The following ADCY1 variants were observed in gnomAD, a reference collection of about 807,000 sequenced individuals.
ADCY1 encodes the protein adenylate cyclase 1.
ADCY1 carries 28 observed loss-of-function variants against 105.4 expected under a neutral mutation model. The observed-to-expected ratio is 0.27, with a 90% confidence interval of 0.20 to 0.36. The LOEUF (loss-of-function observed/expected upper bound fraction) is 0.36. Ranked by LOEUF, ADCY1 falls within the 10% of genes least tolerant of loss-of-function variation. The pLI is 1.00. For synonymous variants in ADCY1, 655 were observed against 623.8 expected, an observed-to-expected ratio of 1.05 and a Z score of -0.75; for missense variants, 977 against 1,434.2, an observed-to-expected ratio of 0.68 and a Z score of 5.15.
chr7:45,621,038 T>A (rs1220221259), intron 3 of ADCY1, among the ~76,000 whole-genome samples: 1 of 152,186 alleles, frequency 6.6e-6, no homozygotes, highest in Non-Finnish European at 1.5e-5. Flanking sequence ...CTGAATAGAA[T>A]GGAGTCTTTC....
chr7:45,629,101 C>T (rs891153303), intron 4 of ADCY1, among the ~76,000 whole-genome samples: 1 of 152,246 alleles, frequency 6.6e-6, no homozygotes, highest in African/African-American at 2.4e-5. Flanking sequence ...TCTCCTCCCA[C>T]TTCTCATTTT....
intron 3 of ADCY1, among the ~76,000 whole-genome samples, chr7:45,610,760 A>T (rs111882564): frequency 4.2e-4 from 1 of 2,360 alleles, no homozygotes; most frequent in African/African-American, 1.8e-3. Flanking sequence ...ATGGAGGTGT[A>T]GAGGTGATAG....
intron 8 of ADCY1, among the ~76,000 whole-genome samples, chr7:45,667,156 G>T (rs1784277343): frequency 6.6e-6 from 1 of 152,058 alleles, no homozygotes; most frequent in Non-Finnish European, 1.5e-5. Flanking sequence ...GTCAATTTTG[G>T]CTTGTGTTGC....
At chr7:45,635,538 C>G (rs1254537713) in intron 4 of ADCY1, among the ~76,000 whole-genome samples, 2 of 149,828 alleles carry the variant, frequency 1.3e-5, no homozygotes, top group Admixed American at 6.6e-5. Flanking sequence ...TAGCAGTATC[C>G]CACAGTTTCT....
Position 45,703,615 on chromosome 7 carries a change from T to C in ADCY1, c.2587T>C (p.Ser863Pro), listed in dbSNP as rs772879550. 1 of 1,612,848 alleles carries C rather than the reference T, an allele frequency of 6.2e-7. No individual in the cohort carries two copies. Among genetic ancestry groups the C allele is most frequent in the Non-Finnish European group, 8.5e-7 (1 of 1,179,354 alleles). The stretch of plus-strand genomic sequence containing the variant: ...GAACTTCCAGGACCTCTACTACCAG[T>C]CCTACTCCCAGGTGGGCGTCATGTT... ...NPRNMDLYYQSYSQVGVMFAS... is the reference protein window; with the variant it reads ...NPRNMDLYYQPYSQVGVMFAS... The change falls in exon 16 of 20, where the codon TCC becomes CCC. Residue 863 changes from serine to proline, a missense_variant. By Grantham distance (74) the Ser-to-Pro change is moderately conservative. Around this residue, in one of 7 missense-constraint regions of ADCY1, gnomAD observed 152 missense variants for 293.7 expected, o/e 0.52. Transcript: ENST00000297323. The surrounding 1 kb of genome is among the most constrained non-coding windows in gnomAD (Gnocchi z 5.9).
chr7:45,605,694 G>A (rs1363569856), intron 2 of ADCY1, among the ~76,000 whole-genome samples: 1 of 152,016 alleles, frequency 6.6e-6, no homozygotes, highest in Non-Finnish European at 1.5e-5. Flanking sequence ...TCACTGAATT[G>A]CTATCTTGTA....
At chr7:45,658,866 AG>A (rs1209402774) in intron 6 of ADCY1, among the ~76,000 whole-genome samples, 1 of 152,150 alleles carries the variant, frequency 6.6e-6, no homozygotes, top group Non-Finnish European at 1.5e-5. Context: ...GCAAGGGTTG[AG>A]GCTTGCCGTG....
At chr7:45,687,935 A>G (rs1304894648) in intron 14 of ADCY1, among the ~76,000 whole-genome samples, 3 of 152,234 alleles carry the variant, frequency 2.0e-5, no homozygotes, top group African/African-American at 7.2e-5. Context: ...GTTGGGGCAC[A>G]GACACCAGAC....
At chr7:45,644,408 T>C (rs779415209) in intron 4 of ADCY1, among the ~76,000 whole-genome samples, 3 of 152,214 alleles carry the variant, frequency 2.0e-5, no homozygotes, top group Non-Finnish European at 4.4e-5. Flanking sequence ...TCTAGACCCT[T>C]CTCTGTGGCT....
intron 17 of ADCY1, among the ~76,000 whole-genome samples, chr7:45,707,815 C>T (rs1045107042): frequency 6.6e-5 from 10 of 151,998 alleles, no homozygotes. Context: ...CTAAAATTGC[C>T]CTAAAAATAA....
Position 45,676,653 on chromosome 7 carries a change from T to C in ADCY1, c.1606-1216T>C, listed in dbSNP as rs534624889. Among the ~76,000 whole-genome samples, 157 of 152,212 alleles carry C rather than the reference T, an allele frequency of 1.0e-3. 1 individual carries two copies. Among genetic ancestry groups the C allele is most frequent in the Non-Finnish European group, 1.1e-3 (78 of 68,010 alleles). ...GGACATTCTGCATCCTTGTTCAGCA[T>C]CCACTGACAATGCAAGTGGGAGCTC... On this transcript the variant is annotated intron_variant, in intron 8 of 19. Transcript: ENST00000297323.
At chr7:45,649,761 A>G (rs1054897165) in intron 5 of ADCY1, among the ~76,000 whole-genome samples, 5 of 152,222 alleles carry the variant, frequency 3.3e-5, no homozygotes, top group African/African-American at 1.2e-4. Flanking sequence ...TGTGTCGGAC[A>G]CATGAGCAAA....
At chr7:45,622,925 C>T (rs1031626109) in intron 4 of ADCY1, among the ~76,000 whole-genome samples, 182 bp downstream of exon 4, 1 of 152,152 alleles carries the variant, frequency 6.6e-6, no homozygotes, top group Non-Finnish European at 1.5e-5. Context: ...TTCCTTGAAC[C>T]GGAGCCTTGC....
At chr7:45,688,640 A>G (rs183080341) in intron 14 of ADCY1, among the ~76,000 whole-genome samples, 16 of 152,340 alleles carry the variant, frequency 1.1e-4, no homozygotes, top group African/African-American at 3.6e-4. Context: ...GAACATATAC[A>G]TACATCACAC....
Position 45,660,140 on chromosome 7 carries a change from A to G in ADCY1, c.1406A>G (p.His469Arg), listed in dbSNP as rs1055365568. 1.7e-5 allele frequency: 28 copies of G among 1,614,138 alleles called. No individual in the cohort carries two copies. In the Admixed American group the frequency reaches 2.8e-4, roughly 16 times the overall value. Residue 469 changes from histidine (H) to arginine (R), a missense_variant, in exon 7 of 20, where the codon CAT (histidine) becomes CGT (arginine). Around this residue, in one of 7 missense-constraint regions of ADCY1, gnomAD observed 66 missense variants for 127.2 expected, o/e 0.52. Transcript: ENST00000297323. ...GHERNSFLKT[H>R]NIETFFIVPS... The stretch of plus-strand genomic sequence containing the variant: ...GAGAGGAACAGTTTCTTGAAAACTC[A>G]TAACATCGAAACCTTTTTTATTGTG...
chr7:45,690,292 G>C (rs1161112776), intron 14 of ADCY1, among the ~76,000 whole-genome samples: 2 of 152,180 alleles, frequency 1.3e-5, no homozygotes, highest in South Asian at 2.1e-4. Context: ...GAGTTCAGGA[G>C]CCCTTATGAT....
chr7:45,598,106 C>T (rs888290521), intron 2 of ADCY1, among the ~76,000 whole-genome samples: 1 of 152,180 alleles, frequency 6.6e-6, no homozygotes, highest in Non-Finnish European at 1.5e-5. Flanking sequence ...AAATTAATTT[C>T]AGCCCTCTAT....
chr7:45,575,930 C>G lies in ADCY1; in HGVS notation c.639+748C>G, dbSNP rs1038518961. ...GGACTCTTCCTGGGCCCTGGAGGAG[C>G]CTGCTCTTCCAACTGCCCGGAGGTG... is the stretch of plus-strand genomic sequence containing the variant. On this transcript the variant is annotated intron_variant, in intron 1 of 19. Coordinates refer to ENST00000297323, the MANE Select transcript of ADCY1 (RefSeq NM_021116.4). The surrounding 1 kb of genome is among the most constrained non-coding windows in gnomAD (Gnocchi z 4.7). Among the ~76,000 whole-genome samples the G allele has an allele frequency of 2.1e-4, 32 of 152,374 alleles. No individual in the cohort carries two copies.
chr7:45,656,801 C>T (rs1315159597), intron 5 of ADCY1, among the ~76,000 whole-genome samples: 2 of 152,196 alleles, frequency 1.3e-5, no homozygotes, highest in Non-Finnish European at 2.9e-5. Context: ...TTGCTGTCAC[C>T]ACCTGATGGC....
Sources: allele counts gnomAD v4.1 joint callset (sites outside exome capture counted in the v4.1 genomes callset), GRCh38; gene constraint gnomAD v4.1.1; regional missense constraint gnomAD v4.1.1; non-coding constraint Gnocchi (gnomAD v3.1); transcripts MANE v1.5; gene names NCBI Gene and HGNC (gene_info 2026-07-23, HGNC 2026-07-21).